GLIS3: variants seen among roughly 807,000 people sequenced by gnomAD.
GLIS3 encodes zinc finger protein GLIS3.
In GLIS3, 53 loss-of-function variants were observed where a neutral mutation model predicts 78.6. The ratio of observed to expected loss-of-function variants is 0.67; its 90% CI spans 0.54 to 0.85. The LOEUF is 0.85. Ranked by LOEUF, GLIS3 falls within the 40% of genes least tolerant of loss-of-function variation. GLIS3 has a pLI of 0.00. For synonymous variants in GLIS3, 684 were observed against 509.9 expected (o/e 1.34, Z -4.60); for missense variants, 1,703 against 1,231.1 (o/e 1.38, Z -5.74).
intron 4 of GLIS3, among the ~76,000 whole-genome samples, chr9:3,995,907 A>G (rs1820707533): frequency 1.3e-5 from 2 of 152,184 alleles, no homozygotes; most frequent in Admixed American, 1.3e-4. Flanking sequence ...AAAAGAATGA[A>G]TAAGAACTTT....
intron 3 of GLIS3, among the ~76,000 whole-genome samples, chr9:4,124,450 A>T (rs1352326483): frequency 1.3e-5 from 2 of 152,170 alleles, no homozygotes; most frequent in African/African-American, 4.8e-5. Flanking sequence ...CATGGGCTGG[A>T]CTTGCCACAG....
chr9:4,433,438 T>C, the GLIS3 span, among the ~76,000 whole-genome samples: 1 of 151,712 alleles, frequency 6.6e-6, no homozygotes, highest in Non-Finnish European at 1.5e-5. Flanking sequence ...TCTCAGAAAA[T>C]AAAATATAAA....
intron 4 of GLIS3, among the ~76,000 whole-genome samples, chr9:4,114,502 T>C (rs145707579): frequency 1.8e-4 from 28 of 152,326 alleles, no homozygotes; most frequent in East Asian, 9.6e-4. Flanking sequence ...TCAACAGTTA[T>C]AGCTGATAAT....
the GLIS3 span, among the ~76,000 whole-genome samples, chr9:4,354,996 G>A: frequency 7.2e-4 from 110 of 152,048 alleles, 1 homozygote; most frequent in Non-Finnish European, 1.4e-3. Context: ...GGTGCCTGTA[G>A]TCCCAGGTAC....
intron 6 of GLIS3, among the ~76,000 whole-genome samples, chr9:3,920,458 G>A (rs1462719824): frequency 6.6e-6 from 1 of 152,100 alleles, no homozygotes; most frequent in African/African-American, 2.4e-5. Context: ...ATATTAATGA[G>A]GATAGAGACG....
chr9:4,323,814 G>C (rs1230631142), intron 2 of GLIS3, among the ~76,000 whole-genome samples: 2 of 152,162 alleles, frequency 1.3e-5, no homozygotes, highest in African/African-American at 4.8e-5. Flanking sequence ...CACATCATAG[G>C]GGCGCAGCAG....
chr9:3,888,399 T>A (rs112121117), intron 7 of GLIS3, among the ~76,000 whole-genome samples: 8 of 152,290 alleles, frequency 5.3e-5, no homozygotes, highest in African/African-American at 1.9e-4. Flanking sequence ...TAAAATCACT[T>A]CACAGTGAAG....
intron 2 of GLIS3, among the ~76,000 whole-genome samples, chr9:4,181,077 G>A (rs556662020): frequency 8.0e-4 from 122 of 152,288 alleles, no homozygotes; most frequent in African/African-American, 2.8e-3. Context: ...CATGTCATTC[G>A]TACTCTAAGA....
intron 2 of GLIS3, among the ~76,000 whole-genome samples, chr9:4,234,935 C>G (rs1200068620): frequency 1.3e-5 from 2 of 152,174 alleles, no homozygotes; most frequent in Admixed American, 6.5e-5. Flanking sequence ...GGCATCGCCA[C>G]ATACACTCCA....
chr9:4,372,617 T>A, the GLIS3 span, among the ~76,000 whole-genome samples: 6 of 151,322 alleles, frequency 4.0e-5, no homozygotes, highest in Non-Finnish European at 8.8e-5. Context: ...GGAATTTGCG[T>A]CAAATTTAAG....
At chr9:4,030,765 G>A (rs1823770332) in intron 4 of GLIS3, among the ~76,000 whole-genome samples, 2 of 152,136 alleles carry the variant, frequency 1.3e-5, no homozygotes, top group Admixed American at 1.3e-4. Flanking sequence ...TCGCTGAGAG[G>A]TCAACAAAGA....
the GLIS3 span, among the ~76,000 whole-genome samples, chr9:4,387,049 T>C: frequency 1.3e-5 from 2 of 152,220 alleles, no homozygotes; most frequent in African/African-American, 4.8e-5. Context: ...CATGATCATC[T>C]GAAGCTTGAT....
At position 4,286,430 on chromosome 9, in the gene GLIS3, A is replaced by C. The variant is rs1587312819; in HGVS notation, c.-5T>G. On this transcript the variant is annotated 5_prime_UTR_variant, in exon 2 of 11. Transcript: ENST00000381971. ...GCTGCATGATCTTCCATTCATTCTG[A>C]AAAACCTGTGGCCAAGACGGTCAAA... 1 of 1,613,822 alleles carries C rather than the reference A, an allele frequency of 6.2e-7. No homozygotes were observed. Among genetic ancestry groups the C allele is most frequent in the East Asian group, 2.2e-5 (1 of 44,884 alleles).
intron 4 of GLIS3, among the ~76,000 whole-genome samples, chr9:4,076,299 A>T (rs1199543260): frequency 6.6e-6 from 1 of 152,164 alleles, no homozygotes; most frequent in Non-Finnish European, 1.5e-5. Context: ...ATAATTGCAA[A>T]AGAAAAAGAA....
chr9:4,483,462 G>A, the GLIS3 span, among the ~76,000 whole-genome samples: 2 of 152,156 alleles, frequency 1.3e-5, no homozygotes, highest in Admixed American at 6.6e-5. Flanking sequence ...GCTCACGCCT[G>A]TAATCTCAGC....
chr9:3,885,362 C>G (rs1822002691), intron 7 of GLIS3, among the ~76,000 whole-genome samples: 1 of 152,202 alleles, frequency 6.6e-6, no homozygotes, highest in Non-Finnish European at 1.5e-5. Flanking sequence ...AACCACTGAG[C>G]TGCTTTGTAA....
chr9:4,337,766 G>A (rs1563937826), intron 2 of GLIS3, among the ~76,000 whole-genome samples: 2 of 152,034 alleles, frequency 1.3e-5, no homozygotes, highest in African/African-American at 4.8e-5. Flanking sequence ...TAGTAGAGGT[G>A]GTAGCAACCA....
intron 2 of GLIS3, among the ~76,000 whole-genome samples, chr9:4,173,588 A>G (rs966875020): frequency 1.3e-4 from 19 of 150,452 alleles, no homozygotes; most frequent in Non-Finnish European, 2.5e-4. Context: ...ACACACACAC[A>G]CACACACACA....
chr9:3,963,382 T>A (rs893869877), intron 4 of GLIS3, among the ~76,000 whole-genome samples: 1 of 152,104 alleles, frequency 6.6e-6, no homozygotes, highest in African/African-American at 2.4e-5. Context: ...TGACGACTGC[T>A]CCCCCAGTAT....
Sources: gnomAD v4.1 joint callset for allele counts (sites outside exome capture counted in the v4.1 genomes callset) on GRCh38, gnomAD v4.1.1 for gene constraint, MANE v1.5 for transcripts, NCBI Gene and HGNC (gene_info 2026-07-23, HGNC 2026-07-21) for gene names.